The following MRTFA variants were observed in gnomAD, a reference collection of about 807,000 sequenced individuals.
MRTFA encodes myocardin-related transcription factor A.
A neutral mutation model predicts 83.5 loss-of-function variants in MRTFA; 20 were observed. That is an observed-to-expected ratio of 0.24 (90% CI 0.17 to 0.35). MRTFA has a LOEUF of 0.35. Among genes scored for constraint, MRTFA ranks in the 10% least tolerant of loss-of-function variants. MRTFA has a pLI of 1.00. For missense variants in MRTFA, 1,200 were observed against 1,224.7 expected, an observed-to-expected ratio of 0.98 and a Z score of 0.30; for synonymous variants, 659 against 541.2, an observed-to-expected ratio of 1.22 and a Z score of -3.02.
intron 2 of MRTFA, among the ~76,000 whole-genome samples, chr22:40,584,531 G>T (rs989465270): frequency 7.2e-5 from 11 of 152,166 alleles, no homozygotes; most frequent in African/African-American, 2.7e-4. Flanking sequence ...GAGGTTGGGA[G>T]TTTGAGACCA....
intron 1 of MRTFA, among the ~76,000 whole-genome samples, chr22:40,611,029 C>T (rs1326569249): frequency 6.6e-6 from 1 of 150,948 alleles, no homozygotes; most frequent in East Asian, 1.9e-4. Flanking sequence ...CCTCCATGTC[C>T]CGGGCTCAAG....
At position 40,471,790 on chromosome 22, in the gene MRTFA, T is replaced by C. The variant is rs557905015; in HGVS notation, c.242-8504A>G. Among the ~76,000 whole-genome samples the C allele has an allele frequency of 9.9e-5, 15 of 152,248 alleles. No homozygotes were observed. In the South Asian group the frequency reaches 2.7e-3, roughly 27 times the overall value. On this transcript the variant is annotated intron_variant, in intron 3 of 14. Coordinates refer to ENST00000355630, the MANE Select transcript of MRTFA (RefSeq NM_020831.6). ...GGGAGGCTGAGGCAGGAAAATCACT[T>C]GAATCTGGGAGGTCGAGGCTGTAGT...
At chr22:40,567,850 G>C (rs187981723) in intron 2 of MRTFA, among the ~76,000 whole-genome samples, 1 of 152,258 alleles carries the variant, frequency 6.6e-6, no homozygotes, top group Non-Finnish European at 1.5e-5. Flanking sequence ...CTATTTTCCA[G>C]TGCCAGAAGC....
intron 5 of MRTFA, chr22:40,433,413 T>C (rs549170176): frequency 2.6e-5 from 4 of 152,306 alleles, no homozygotes; most frequent in African/African-American, 7.2e-5. Context: ...GGCAGAAGGA[T>C]TGCTTAAGCC....
chr22:40,617,344 T>C (rs1396861506), intron 1 of MRTFA, among the ~76,000 whole-genome samples: 1 of 152,030 alleles, frequency 6.6e-6, no homozygotes, highest in Non-Finnish European at 1.5e-5. Flanking sequence ...AACAAAAGGA[T>C]TTAAGGCTGA....
chr22:40,602,820 C>T (rs111881248), intron 1 of MRTFA, among the ~76,000 whole-genome samples: 75 of 152,234 alleles, frequency 4.9e-4, no homozygotes, highest in African/African-American at 1.8e-3. Context: ...GCACTCCAGC[C>T]TGGGTGACAG....
intron 4 of MRTFA, among the ~76,000 whole-genome samples, chr22:40,461,387 G>A (rs564373513): frequency 4.6e-5 from 7 of 151,592 alleles, no homozygotes; most frequent in Non-Finnish European, 4.4e-5. Flanking sequence ...GCATGGTGAT[G>A]CACACCAGTA....
rs74467835 is a variant in MRTFA at position 40,627,402 on chromosome 22, T to C, written c.-84+9076A>G. Among the ~76,000 whole-genome samples the C allele has an allele frequency of 4.4e-3, 674 of 152,312 alleles. 7 individuals carry two copies. Among genetic ancestry groups the C allele is most frequent in the African/African-American group, 0.016 (649 of 41,554 alleles). On this transcript the variant is annotated intron_variant, in intron 1 of 14. Coordinates refer to ENST00000355630, the MANE Select transcript of MRTFA (RefSeq NM_020831.6). ...GTGCTGGGATTACAGGTGTAAGCCA[T>C]AATGCCTGGCCCTTATTTGGCAAGT...
chr22:40,455,579 G>A (rs2053569443), intron 4 of MRTFA, among the ~76,000 whole-genome samples: 1 of 151,364 alleles, frequency 6.6e-6, no homozygotes, highest in Non-Finnish European at 1.5e-5. Context: ...CCGGGAGGCG[G>A]AGCTTGCAGT....
intron 3 of MRTFA, among the ~76,000 whole-genome samples, chr22:40,487,849 T>C (rs542719755): frequency 1.3e-5 from 2 of 152,186 alleles, no homozygotes; most frequent in African/African-American, 4.8e-5. Context: ...GATATGATAC[T>C]GCCCTCTAGT....
At chr22:40,560,927 A>G (rs1038381924) in intron 2 of MRTFA, among the ~76,000 whole-genome samples, 1 of 152,234 alleles carries the variant, frequency 6.6e-6, no homozygotes, top group Non-Finnish European at 1.5e-5. Flanking sequence ...ACTCTAAAAC[A>G]TGAGCACTAG....
intron 3 of MRTFA, among the ~76,000 whole-genome samples, chr22:40,478,780 C>T (rs980129420): frequency 1.3e-5 from 2 of 152,142 alleles, no homozygotes; most frequent in Non-Finnish European, 2.9e-5. Context: ...GGAATGGCTC[C>T]GACAGCAATC....
chr22:40,603,763 T>A lies in MRTFA; in HGVS notation c.-83-9028A>T, dbSNP rs1036447430. ...ATTGGTCACATGTTGAAAAAAAAAA[T>A]TTTTTTTTTACTTTTTTTTTTTTTA... is the stretch of plus-strand genomic sequence containing the variant. On this transcript the variant is annotated intron_variant, in intron 1 of 14. Coordinates refer to ENST00000355630, the MANE Select transcript of MRTFA (RefSeq NM_020831.6). 1.1e-4 allele frequency among the ~76,000 whole-genome samples: 17 copies of A among 149,138 alleles called. 1 individual carries two copies. Among genetic ancestry groups the A allele is most frequent in the Admixed American group, 3.4e-4 (5 of 14,856 alleles).
chr22:40,599,577 A>C (rs139408151), intron 1 of MRTFA, among the ~76,000 whole-genome samples: 134 of 152,208 alleles, frequency 8.8e-4, no homozygotes, highest in Middle Eastern at 6.8e-3. Context: ...AATCCATTTT[A>C]ATTTAGGGGA....
chr22:40,464,840 A>G (rs2053786941), intron 3 of MRTFA, among the ~76,000 whole-genome samples: 1 of 152,028 alleles, frequency 6.6e-6, no homozygotes, highest in African/African-American at 2.4e-5. Context: ...TGATATCACT[A>G]TCTTTCCCAG....
intron 3 of MRTFA, among the ~76,000 whole-genome samples, chr22:40,525,981 AG>A (rs1456203101): frequency 2.6e-5 from 4 of 152,152 alleles, no homozygotes. Flanking sequence ...TTTACAAAAT[AG>A]GATGGTCAGG....
chr22:40,465,983 T>C (rs144713350), intron 3 of MRTFA, among the ~76,000 whole-genome samples: 1 of 152,214 alleles, frequency 6.6e-6, no homozygotes, highest in Non-Finnish European at 1.5e-5. Flanking sequence ...GAGACAAGCA[T>C]TCTGATTCCA....
intron 2 of MRTFA, among the ~76,000 whole-genome samples, chr22:40,575,126 T>G (rs895370567): frequency 9.9e-5 from 15 of 152,232 alleles, no homozygotes; most frequent in Non-Finnish European, 1.9e-4. Flanking sequence ...ATGCCTAAGT[T>G]TCCTGTGGTA....
intron 1 of MRTFA, among the ~76,000 whole-genome samples, chr22:40,606,730 C>G (rs771283063): frequency 6.6e-6 from 1 of 152,178 alleles, no homozygotes; most frequent in African/African-American, 2.4e-5. Flanking sequence ...TAGGATTCCT[C>G]TTTGGAGACA....
Sources: allele counts gnomAD v4.1 joint callset (sites outside exome capture counted in the v4.1 genomes callset), GRCh38; gene constraint gnomAD v4.1.1; transcripts MANE v1.5; gene names NCBI Gene and HGNC (gene_info 2026-07-23, HGNC 2026-07-21).